EHBP1: variants seen among roughly 807,000 people sequenced by gnomAD.
The protein encoded by EHBP1 is EH domain binding protein 1, also known as EH domain-binding protein 1.
In EHBP1, 55 loss-of-function variants were observed where a neutral mutation model predicts 144.0. That is an observed-to-expected ratio of 0.38 (90% CI 0.31 to 0.48). The LOEUF (loss-of-function observed/expected upper bound fraction) is 0.48, where lower values mean the gene tolerates loss of function less well. Among genes scored for constraint, EHBP1 ranks in the 20% least tolerant of loss-of-function variants. EHBP1 has a pLI of 0.98. For missense variants in EHBP1, 1,200 were observed against 1,364.2 expected (o/e 0.88, Z 1.90); for synonymous variants, 469 against 472.7 (o/e 0.99, Z 0.10).
At chr2:62,964,470 T>C (rs997264101) in intron 14 of EHBP1, among the ~76,000 whole-genome samples, 8 of 152,226 alleles carry the variant, frequency 5.3e-5, no homozygotes, top group African/African-American at 1.9e-4. Context: ...TCTTTATTCA[T>C]TTCATTTTTT....
intron 19 of EHBP1, among the ~76,000 whole-genome samples, chr2:63,020,425 C>T (rs2060687504): frequency 6.7e-6 from 1 of 149,262 alleles, no homozygotes; most frequent in Non-Finnish European, 1.5e-5. Context: ...ATCGCTTGAA[C>T]CCAGGAGGTG....
chr2:63,045,555 A>AG lies in EHBP1; in HGVS notation c.*56dup. On this transcript the variant is annotated 3_prime_UTR_variant, in exon 23 of 23. Transcript: ENST00000431489. The surrounding 1 kb of genome is among the most constrained non-coding windows in gnomAD (Gnocchi z 5.7). ...ATTTTAGAGTCTTGCTTCCCAAACC[A>AG]GAAAAAGTCAGACTCATTGTTGATT... 2.9e-6 allele frequency: 4 copies of AG among 1,393,186 alleles called. No homozygotes were observed. The highest frequency in any genetic ancestry group is 2.0e-6 in the Non-Finnish European group (2 of 996,022). The allele number at this position is 1,393,186 out of a possible 1,614,324, so 86.3% of individuals were successfully genotyped here.
Position 62,677,595 on chromosome 2 carries a change from T to C in EHBP1, c.-296+3512T>C, listed in dbSNP as rs574078563. 2.6e-5 allele frequency among the ~76,000 whole-genome samples: 4 copies of C among 152,306 alleles called. No homozygotes were observed. In the South Asian group the frequency reaches 8.3e-4, roughly 32 times the overall value. On this transcript the variant is annotated intron_variant, in intron 1 of 22. Coordinates refer to the EHBP1 transcript ENST00000405015. ...AATACTAGATCTTATTCATTCTTTC[T>C]ATTTTTTTGTACCCATTAACCATCC...
intron 5 of EHBP1, among the ~76,000 whole-genome samples, chr2:62,812,820 G>A (rs1179844080): frequency 6.6e-6 from 1 of 152,136 alleles, no homozygotes; most frequent in African/African-American, 2.4e-5. Flanking sequence ...ATTATTTAAA[G>A]ACAGAATTTA....
At chr2:62,696,398 T>C (rs963482905) in intron 1 of EHBP1, among the ~76,000 whole-genome samples, 2 of 151,626 alleles carry the variant, frequency 1.3e-5, no homozygotes, top group Non-Finnish European at 2.9e-5. Flanking sequence ...CTACCCACCT[T>C]GGCCTCCCAA....
At chr2:62,939,370 T>A (rs2056597754) in intron 10 of EHBP1, among the ~76,000 whole-genome samples, 1 of 152,048 alleles carries the variant, frequency 6.6e-6, no homozygotes, top group African/African-American at 2.4e-5. Context: ...TGCCTGCTGG[T>A]TCAAGCAATT....
chr2:62,900,530 A>G (rs552859277), intron 10 of EHBP1, among the ~76,000 whole-genome samples: 64 of 151,938 alleles, frequency 4.2e-4, no homozygotes, highest in Non-Finnish European at 7.8e-4. Context: ...CTCAAGTGGG[A>G]GGATCACTTG....
At chr2:62,842,659 A>T (rs1351426795) in intron 7 of EHBP1, among the ~76,000 whole-genome samples, 1 of 152,148 alleles carries the variant, frequency 6.6e-6, no homozygotes, top group Non-Finnish European at 1.5e-5. Context: ...AAATGTAGGC[A>T]TTTTCCTATA....
At chr2:62,833,311 A>G (rs145167074) in intron 7 of EHBP1, among the ~76,000 whole-genome samples, 1 of 152,360 alleles carries the variant, frequency 6.6e-6, no homozygotes, top group East Asian at 1.9e-4. Flanking sequence ...AAATGCTAAT[A>G]TAGAAGCCAC....
rs1271221250 is a variant in EHBP1 at position 62,973,235 on chromosome 2, C to T, written c.2461-5953C>T. ...TTCATCTTAACTCAGTAAAAATGAC[C>T]CTTCATTTTAGTTTGAATCACCAAA... On this transcript the variant is annotated intron_variant, in intron 14 of 22. Coordinates refer to ENST00000431489, the MANE Select transcript of EHBP1 (RefSeq NM_001142616.3). Among the ~76,000 whole-genome samples the T allele has an allele frequency of 2.0e-5, 3 of 152,030 alleles. No individual in the cohort carries two copies. The East Asian group carries it at 5.8e-4, about 29-fold the overall frequency.
intron 5 of EHBP1, among the ~76,000 whole-genome samples, chr2:62,818,363 T>C (rs572691792): frequency 2.6e-5 from 4 of 152,166 alleles, no homozygotes; most frequent in Non-Finnish European, 5.9e-5. Context: ...AGTTTACGTA[T>C]GTTTAGATGC....
chr2:62,868,777 A>C (rs2050237845), intron 9 of EHBP1, among the ~76,000 whole-genome samples: 1 of 151,934 alleles, frequency 6.6e-6, no homozygotes, highest in Non-Finnish European at 1.5e-5. Context: ...ACAAGAGTCT[A>C]TCTCTTAAAA....
At chr2:62,729,494 A>AT (rs1272993287) in intron 2 of EHBP1, among the ~76,000 whole-genome samples, 86 of 64,926 alleles carry the variant, frequency 1.3e-3, no homozygotes, top group African/African-American at 4.8e-3. Context: ...TAAATATATA[A>AT]ATATATAATA....
intron 5 of EHBP1, among the ~76,000 whole-genome samples, chr2:62,795,755 G>T (rs1035482640): frequency 6.6e-6 from 1 of 151,902 alleles, no homozygotes; most frequent in African/African-American, 2.4e-5. Context: ...AACATGTATA[G>T]CCCAAAGTAA....
chr2:62,764,419 A>G, intron 4 of EHBP1, 58 bp downstream of exon 4: 2 of 1,297,544 alleles, frequency 1.5e-6, no homozygotes, highest in South Asian at 1.6e-5. Flanking sequence ...ACCAAATGAC[A>G]GAATATTTCA....
intron 7 of EHBP1, among the ~76,000 whole-genome samples, chr2:62,836,287 T>C (rs769577515): frequency 0.022 from 3,399 of 151,698 alleles, 58 homozygotes; most frequent in Non-Finnish European, 0.034. Flanking sequence ...GGGTCCTGTC[T>C]GTTAGAAGGA....
At position 62,707,785 on chromosome 2, in the gene EHBP1, T is replaced by C. The variant is rs553649214; in HGVS notation, c.104+490T>C. Reference sequence around the variant, plus strand: ...CTTAGGATAAAGAATTTTTCATTATTTGATTAATGGAATGCCATCCACAAA... The same window carrying C: ...CTTAGGATAAAGAATTTTTCATTATCTGATTAATGGAATGCCATCCACAAA... On this transcript the variant is annotated intron_variant, in intron 2 of 22. Transcript: ENST00000431489. Among the ~76,000 whole-genome samples the C allele has an allele frequency of 6.6e-5, 10 of 152,350 alleles. 1 individual carries two copies. Among genetic ancestry groups the C allele is most frequent in the Admixed American group, 3.3e-4 (5 of 15,310 alleles).
intron 5 of EHBP1, 26 bp from the exon 6 acceptor site, chr2:62,826,061 T>C: frequency 7.0e-7 from 1 of 1,428,488 alleles, no homozygotes. Context: ...CAAAATTACA[T>C]ACTTTTTTTT....
At chr2:62,866,573 A>G (rs1270362312) in intron 9 of EHBP1, among the ~76,000 whole-genome samples, 1 of 152,192 alleles carries the variant, frequency 6.6e-6, no homozygotes, top group Non-Finnish European at 1.5e-5. Flanking sequence ...TAGAGATGAG[A>G]TTTTTCATCT....
Sources: allele counts gnomAD v4.1 joint callset (sites outside exome capture counted in the v4.1 genomes callset), GRCh38; gene constraint gnomAD v4.1.1; non-coding constraint Gnocchi (gnomAD v3.1); transcripts MANE v1.5; gene names NCBI Gene and HGNC (gene_info 2026-07-23, HGNC 2026-07-21).